The following CIB4 variants were observed in gnomAD, a reference collection of about 807,000 sequenced individuals.
The protein encoded by CIB4 is calcium and integrin-binding family member 4.
CIB4 carries 25 observed loss-of-function variants against 25.8 expected under a neutral mutation model. The observed-to-expected ratio is 0.97, with a 90% CI of 0.71 to 1.35. The LOEUF is 1.35. Ranked by LOEUF, CIB4 falls within the 40% of genes most tolerant of loss-of-function variation. The pLI, the probability that CIB4 is intolerant of heterozygous loss-of-function variation, is 0.00. For synonymous variants in CIB4, 75 were observed against 81.4 expected (o/e 0.92, Z 0.42); for missense variants, 235 against 228.2 (o/e 1.03, Z -0.19).
At chr2:26,625,016 C>T (rs886562999) in intron 3 of CIB4, among the ~76,000 whole-genome samples, 1 of 151,986 alleles carries the variant, frequency 6.6e-6, no homozygotes, top group Admixed American at 6.6e-5. Context: ...ATCTCATGTA[C>T]CCCATAAATA....
intron 2 of CIB4, among the ~76,000 whole-genome samples, chr2:26,639,574 T>C (rs1347155672): frequency 1.3e-5 from 2 of 152,284 alleles, no homozygotes; most frequent in East Asian, 1.9e-4. Flanking sequence ...TTTGGAGTTA[T>C]GTCATATTTT....
chr2:26,598,973 T>C lies in CIB4; in HGVS notation c.187-3656A>G, dbSNP rs941045111. Among the ~76,000 whole-genome samples, 3 of 152,300 alleles carry C rather than the reference T, an allele frequency of 2.0e-5. 1 individual carries two copies. The highest frequency in any genetic ancestry group is 2.0e-4 in the Admixed American group (3 of 15,300). On this transcript the variant is annotated intron_variant, in intron 3 of 6. Transcript: ENST00000288861. ...GGGGAAGCTGAAAGAGCAAGCCTCA[T>C]TAGAGATCACAGGTCCAGTTTACTG...
At chr2:26,601,056 CA>C (rs1184501782) in intron 3 of CIB4, among the ~76,000 whole-genome samples, 1 of 150,758 alleles carries the variant, frequency 6.6e-6, no homozygotes, top group Non-Finnish European at 1.5e-5. Flanking sequence ...CCTGTCTCTA[CA>C]AAAAAAATTA....
In CIB4 at chr2:26,638,024, C is replaced by T. The variant is rs141783880; in HGVS notation, c.89+2509G>A. Among the ~76,000 whole-genome samples, 586 of 152,314 alleles carry T rather than the reference C, an allele frequency of 3.8e-3. 7 individuals are homozygous for T. Among genetic ancestry groups the T allele is most frequent in the African/African-American group, 0.013 (549 of 41,566 alleles). Reference sequence around the variant, plus strand: ...CCCCACCACCCCCAGCGCTGACGCACGCCGGCCTTTGAGAGTGGGAGCCTC... The same window carrying T: ...CCCCACCACCCCCAGCGCTGACGCATGCCGGCCTTTGAGAGTGGGAGCCTC... On this transcript the variant is annotated intron_variant, in intron 2 of 6. Coordinates refer to ENST00000288861, the MANE Select transcript of CIB4 (RefSeq NM_001029881.3).
At chr2:26,584,479 G>GA (rs570511186) in intron 4 of CIB4, among the ~76,000 whole-genome samples, 135 of 152,278 alleles carry the variant, frequency 8.9e-4, no homozygotes, top group African/African-American at 3.1e-3. Context: ...CCTCTGCAGT[G>GA]AAGGGGGACA....
chr2:26,581,258 G>A lies in CIB4; in HGVS notation c.*105C>T. 1.1e-6 allele frequency: 1 copy of A among 880,840 alleles called. No individual in the cohort carries two copies. Among genetic ancestry groups the A allele is most frequent in the Non-Finnish European group, 1.9e-6 (1 of 521,152 alleles). 54.6% of individuals were successfully genotyped at this position (880,840 alleles called of 1,614,324 possible). ...AAACAATATTCTAGAGGTGAGTGTG[G>A]GCCCAGTACAAAGTCATACTTCAAA... is the stretch of plus-strand genomic sequence containing the variant. On this transcript the variant is annotated 3_prime_UTR_variant, in exon 7 of 7. Transcript: ENST00000288861.
intron 4 of CIB4, among the ~76,000 whole-genome samples, chr2:26,586,142 T>G (rs1402786394): frequency 6.6e-6 from 1 of 152,100 alleles, no homozygotes; most frequent in Non-Finnish European, 1.5e-5. Context: ...GGAAGTCTAT[T>G]CCCAACACAG....
chr2:26,616,150 TGAG>T (rs1669088205), intron 3 of CIB4, among the ~76,000 whole-genome samples: 1 of 152,162 alleles, frequency 6.6e-6, no homozygotes, highest in South Asian at 2.1e-4. Flanking sequence ...ACAGTTACCT[TGAG>T]GAGTAAGTGA....
At chr2:26,596,375 G>A (rs1300387318) in intron 3 of CIB4, among the ~76,000 whole-genome samples, 2 of 152,290 alleles carry the variant, frequency 1.3e-5, no homozygotes, top group Non-Finnish European at 2.9e-5. Context: ...ACTGCAGTCA[G>A]GAAGGTAAGC....
At chr2:26,638,077 A>T (rs972681468) in intron 2 of CIB4, among the ~76,000 whole-genome samples, 2 of 152,188 alleles carry the variant, frequency 1.3e-5, no homozygotes, top group African/African-American at 4.8e-5. Context: ...AGGGGCAGGC[A>T]CAGGCCCTTC....
chr2:26,618,737 G>T (rs917312559), intron 3 of CIB4, among the ~76,000 whole-genome samples: 3 of 152,216 alleles, frequency 2.0e-5, no homozygotes, highest in African/African-American at 7.2e-5. Context: ...TAGCCTGACC[G>T]CAGGGCAGCA....
chr2:26,637,566 C>T (rs1317803151), intron 2 of CIB4, among the ~76,000 whole-genome samples: 2 of 152,088 alleles, frequency 1.3e-5, no homozygotes, highest in African/African-American at 4.8e-5. Context: ...TTGGAGATGG[C>T]TCTATATCAA....
At chr2:26,631,179 T>C (rs982577575) in intron 2 of CIB4, among the ~76,000 whole-genome samples, 1 of 152,128 alleles carries the variant, frequency 6.6e-6, no homozygotes, top group Non-Finnish European at 1.5e-5. Flanking sequence ...TTTAGGGACA[T>C]GTAACTAAGT....
intron 3 of CIB4, among the ~76,000 whole-genome samples, chr2:26,601,147 G>A (rs1668775126): frequency 6.7e-6 from 1 of 150,190 alleles, no homozygotes; most frequent in African/African-American, 2.5e-5. Flanking sequence ...ATGAGCCTAG[G>A]AGGCTGAGGC....
Position 26,595,292 on chromosome 2 carries a change from C to T in CIB4, c.212G>A (p.Cys71Tyr), listed in dbSNP as rs763357557. The change falls in exon 4 of 7, where the codon TGC becomes TAC. Residue 71 changes from cysteine (C) to tyrosine (Y), a missense_variant. Transcript: ENST00000288861. ...LRVNPFRDRI[C>Y]RVFSHKGMFS... ...CATGCCTTTGTGGGAGAACACTCTG[C>T]AGATACGGTCTCTGAAAGGGTTGAC... The T allele has an allele frequency of 2.5e-6, 4 of 1,613,988 alleles. No homozygotes were observed. The highest frequency in any genetic ancestry group is 1.1e-5 in the South Asian group (1 of 91,072).
At chr2:26,595,695 T>A (rs78411359) in intron 3 of CIB4, among the ~76,000 whole-genome samples, 3,165 of 152,344 alleles carry the variant, frequency 0.021, 121 homozygotes, top group African/African-American at 0.072. Context: ...AAGTCCTGCA[T>A]CAATTTTCTT....
chr2:26,634,153 C>A (rs1048036460), intron 2 of CIB4, among the ~76,000 whole-genome samples: 1 of 152,180 alleles, frequency 6.6e-6, no homozygotes, highest in African/African-American at 2.4e-5. Flanking sequence ...ACAGGTTCTA[C>A]AAGCTTCTCA....
intron 2 of CIB4, among the ~76,000 whole-genome samples, chr2:26,635,321 A>G (rs945482680): frequency 6.6e-6 from 1 of 152,214 alleles, no homozygotes; most frequent in Non-Finnish European, 1.5e-5. Flanking sequence ...AGCCCCCAGG[A>G]GGTGTCATCT....
At position 26,617,702 on chromosome 2, in the gene CIB4, C is replaced by T. The variant is rs143571452; in HGVS notation, c.186+11708G>A. Among the ~76,000 whole-genome samples, 922 of 152,250 alleles carry T rather than the reference C, an allele frequency of 6.1e-3. 12 individuals carry two copies. The highest frequency in any genetic ancestry group is 0.02 in the African/African-American group (823 of 41,542). Reference sequence around the variant, plus strand: ...CTAAATACAGGAGGAGGATTATCACCGGGTCCAGCTGTCCCTGCCTGGGTT... The same window carrying T: ...CTAAATACAGGAGGAGGATTATCACTGGGTCCAGCTGTCCCTGCCTGGGTT... On this transcript the variant is annotated intron_variant, in intron 3 of 6. Coordinates refer to ENST00000288861, the MANE Select transcript of CIB4 (RefSeq NM_001029881.3).
Sources: allele counts gnomAD v4.1 joint callset (sites outside exome capture counted in the v4.1 genomes callset), GRCh38; gene constraint gnomAD v4.1.1; transcripts MANE v1.5; gene names NCBI Gene and HGNC (gene_info 2026-07-23, HGNC 2026-07-21).